The following PRMT5 variants were observed in gnomAD, a reference collection of about 807,000 sequenced individuals.
PRMT5 encodes the protein protein arginine methyltransferase 5, also known as protein arginine N-methyltransferase 5.
In PRMT5, 15 loss-of-function variants were observed where a neutral mutation model predicts 84.0. The ratio of observed to expected loss-of-function variants is 0.18; its 90% CI spans 0.12 to 0.28. The LOEUF (loss-of-function observed/expected upper bound fraction) is 0.28. Ranked by LOEUF, PRMT5 falls within the 10% of genes least tolerant of loss-of-function variation. PRMT5 has a pLI of 1.00. For synonymous variants in PRMT5, 276 were observed against 292.4 expected (o/e 0.94, Z 0.57); for missense variants, 486 against 808.0 (o/e 0.60, Z 4.83).
chr14:22,928,979 C>T lies in PRMT5; in HGVS notation c.110+273G>A, dbSNP rs2044487175. Reference sequence around the variant, plus strand: ...TTCTCTCCCTTGCCCCCTAACACCTCCTCCCACTCCCAGACAATAATCGCG... The same window carrying T: ...TTCTCTCCCTTGCCCCCTAACACCTTCTCCCACTCCCAGACAATAATCGCG... On this transcript the variant is annotated intron_variant, in intron 1 of 16. Transcript: ENST00000324366. The surrounding 1 kb of genome is among the most constrained non-coding windows in gnomAD (Gnocchi z 4.8). 1 of 708,234 alleles carries T rather than the reference C, an allele frequency of 1.4e-6. No individual in the cohort carries two copies. The highest frequency in any genetic ancestry group is 2.3e-6 in the Non-Finnish European group (1 of 431,432). 43.9% of individuals were successfully genotyped at this position (708,234 alleles called of 1,614,324 possible).
chr14:22,925,073 C>T, intron 7 of PRMT5, 33 bp from the exon 8 acceptor site: 2 of 1,607,876 alleles, frequency 1.2e-6, no homozygotes, highest in Non-Finnish European at 1.7e-6. Context: ...AGACACAGCC[C>T]TCAAACCAAG....
In PRMT5 at chr14:22,923,888, C is replaced by A; in HGVS notation, c.1375+120G>T. On this transcript the variant is annotated intron_variant, in intron 12 of 16. Coordinates refer to ENST00000324366, the MANE Select transcript of PRMT5 (RefSeq NM_006109.5). This position sits in a 1 kb window ranked among gnomAD's most constrained non-coding sequence, Gnocchi z 5.2. Reference sequence around the variant, plus strand: ...GGGCACAGAGGCAGTGAAGCAGTGGCTCTCAAACTCATATGATGTGACCCA... The same window carrying A: ...GGGCACAGAGGCAGTGAAGCAGTGGATCTCAAACTCATATGATGTGACCCA... 2.3e-5 allele frequency: 25 copies of A among 1,076,116 alleles called. No homozygotes were observed. The highest frequency in any genetic ancestry group is 1.2e-4 in the South Asian group (7 of 59,084). The allele number at this position is 1,076,116 out of a possible 1,614,324, so 66.7% of individuals were successfully genotyped here.
At position 22,922,839 on chromosome 14, in the gene PRMT5, T is replaced by A. The variant is rs1425853544; in HGVS notation, c.1486-4A>T. The A allele has an allele frequency of 6.2e-7, 1 of 1,612,648 alleles. No individual in the cohort carries two copies. The highest frequency in any genetic ancestry group is 2.2e-5 in the East Asian group (1 of 44,880). On this transcript the variant is annotated splice_polypyrimidine_tract_variant and splice_region_variant and intron_variant, in intron 13 of 16. Coordinates refer to ENST00000324366, the MANE Select transcript of PRMT5 (RefSeq NM_006109.5). ...CATAAGGCATCTCAAACTGGGCCTG[T>A]CAGAGACAGAAAGAGAGAGAGAGTG...
rs2044344965 is a variant in PRMT5 at position 22,923,252 on chromosome 14, C to G, written c.1376-92G>C. ...ATCAGAAGGATCAAACCTCCCATGT[C>G]AAAACCAACCAACGTTGGCATGGGC... On this transcript the variant is annotated intron_variant, in intron 12 of 16. Coordinates refer to ENST00000324366, the MANE Select transcript of PRMT5 (RefSeq NM_006109.5). The surrounding 1 kb of genome is among the most constrained non-coding windows in gnomAD (Gnocchi z 5.2). The G allele has an allele frequency of 1.1e-6, 1 of 911,866 alleles. No individual in the cohort carries two copies. The highest frequency in any genetic ancestry group is 1.8e-5 in the South Asian group (1 of 54,562). The allele number at this position is 911,866 out of a possible 1,614,324, so 56.5% of individuals were successfully genotyped here.
rs1412652065 is a variant in PRMT5, at chr14:22,923,348, AT to A, written c.1376-189del. The A allele has an allele frequency of 1.9e-6, 1 of 536,220 alleles. No homozygotes were observed. Among genetic ancestry groups the A allele is most frequent in the Non-Finnish European group, 3.3e-6 (1 of 304,204 alleles). 33.2% of individuals were successfully genotyped at this position (536,220 alleles called of 1,614,324 possible). ...CTGCTTCCAACTACTGTCATGGAGG[AT>A]TCCACTACTAGGTTAATTTACAGAG... On this transcript the variant is annotated intron_variant, in intron 12 of 16. Transcript: ENST00000324366. This position sits in a 1 kb window ranked among gnomAD's most constrained non-coding sequence, Gnocchi z 5.2.
rs536412975 is a variant in PRMT5 at position 22,920,555 on chromosome 14, G to A, written c.*349C>T. The A allele has an allele frequency of 1.6e-4, 77 of 469,576 alleles. No individual in the cohort carries two copies. The highest frequency in any genetic ancestry group is 1.8e-4 in the East Asian group (3 of 17,068). The allele number at this position is 469,576 out of a possible 1,614,324, so 29.1% of individuals were successfully genotyped here. A position where few individuals can be genotyped will look rare whatever the true frequency, so the allele number is the denominator to read the frequency against. On this transcript the variant is annotated 3_prime_UTR_variant, in exon 17 of 17. Transcript: ENST00000324366. ...GCAGTAAAGGGCTATAACTTTATTT[G>A]TATTTCCTCTTACACAAAACCATCA...
At chr14:22,922,376 C>A in intron 15 of PRMT5, 67 bp downstream of exon 15, 1 of 1,436,748 alleles carries the variant, frequency 7.0e-7, no homozygotes, top group Non-Finnish European at 9.8e-7. Flanking sequence ...CTAAATGACA[C>A]ATGTACATAT....
chr14:22,922,965 CCAG>C (rs1353809792), intron 13 of PRMT5, 83 bp downstream of exon 13: 3 of 1,408,288 alleles, frequency 2.1e-6, no homozygotes, highest in Admixed American at 2.0e-5. Flanking sequence ...CTCTTCATCC[CCAG>C]CAGAAGAAAA....
chr14:22,924,625 A>ACAGT lies in PRMT5; in HGVS notation c.1017+3_1017+6dup. 1.9e-6 allele frequency: 3 copies of ACAGT among 1,613,144 alleles called. No individual in the cohort carries two copies. The highest frequency in any genetic ancestry group is 2.5e-6 in the Non-Finnish European group (3 of 1,179,164). ...GTGCTTTCCTCACCCTGGGCACCACACAGTACCTGCTGGTACTGAGAGTAT... is the reference window on the plus strand; with the variant it reads ...GTGCTTTCCTCACCCTGGGCACCACACAGTCAGTACCTGCTGGTACTGAGAGTAT... On this transcript the variant is annotated splice_region_variant and intron_variant, in intron 9 of 16. Transcript: ENST00000324366. This position sits in a 1 kb window ranked among gnomAD's most constrained non-coding sequence, Gnocchi z 6.5.
intron 1 of PRMT5, chr14:22,929,043 CA>C (rs1269640138): frequency 2.1e-5 from 27 of 1,276,530 alleles, no homozygotes; most frequent in Non-Finnish European, 2.9e-5. Context: ...ACAACTCTCC[CA>C]ACTTTGGGAC....
Position 22,928,223 on chromosome 14 carries a change from C to CA in PRMT5, c.230-13dup. On this transcript the variant is annotated splice_polypyrimidine_tract_variant and intron_variant, in intron 2 of 16. Coordinates refer to ENST00000324366, the MANE Select transcript of PRMT5 (RefSeq NM_006109.5). This position sits in a 1 kb window ranked among gnomAD's most constrained non-coding sequence, Gnocchi z 4.8. The stretch of plus-strand genomic sequence containing the variant: ...TAGCGTATTCCAGTCTGCACTCCCC[C>CA]ACCCAAGAAAGACAAATACTGAATA... The CA allele has an allele frequency of 6.2e-7, 1 of 1,613,026 alleles. No individual in the cohort carries two copies. Among genetic ancestry groups the CA allele is most frequent in the South Asian group, 1.1e-5 (1 of 91,040 alleles).
At chr14:22,927,720 T>C in intron 3 of PRMT5, 60 bp from the exon 4 acceptor site, 1 of 1,568,056 alleles carries the variant, frequency 6.4e-7, no homozygotes, top group Non-Finnish European at 8.6e-7. Context: ...TTTTTTTTTT[T>C]TTTTTGAGAC....
chr14:22,922,379 G>A (rs1408332880), intron 15 of PRMT5, 64 bp downstream of exon 15: 2 of 1,440,848 alleles, frequency 1.4e-6, no homozygotes, highest in Non-Finnish European at 2.0e-6. Flanking sequence ...AATGACACAT[G>A]TACATATAAG....
Position 22,927,668 on chromosome 14 carries a change from G to A in PRMT5, c.316-8C>T, listed in dbSNP as rs753806897. On this transcript the variant is annotated splice_region_variant and splice_polypyrimidine_tract_variant and intron_variant, in intron 3 of 16. Coordinates refer to ENST00000324366, the MANE Select transcript of PRMT5 (RefSeq NM_006109.5). ...CAGCTCCTGTAACATGGCCTGGAAC[G>A]GAGATGAAGAGGAAAAGTTTGAGCT... 33 of 1,611,766 alleles carry A rather than the reference G, an allele frequency of 2.0e-5. No homozygotes were observed. The South Asian group carries it at 2.1e-4, about 10-fold the overall frequency.
chr14:22,926,581 C>T (rs762475790), intron 5 of PRMT5, 26 bp from the exon 6 acceptor site: 12 of 1,613,924 alleles, frequency 7.4e-6, no homozygotes, highest in Non-Finnish European at 9.3e-6. Flanking sequence ...CAGAAAAGTA[C>T]AGTAAACTAG....
At position 22,924,243 on chromosome 14, in the gene PRMT5, C is replaced by G; in HGVS notation, c.1199+27G>C. 1 of 1,613,248 alleles carries G rather than the reference C, an allele frequency of 6.2e-7. No homozygotes were observed. The highest frequency in any genetic ancestry group is 8.5e-7 in the Non-Finnish European group (1 of 1,179,326). ...AAGGAAATTTGGCAATGAGGACTAA[C>G]TTCCCAGCAAGCAGGTTGCTACTCA... On this transcript the variant is annotated intron_variant, in intron 11 of 16. Transcript: ENST00000324366. This position sits in a 1 kb window ranked among gnomAD's most constrained non-coding sequence, Gnocchi z 6.5.
Position 22,928,143 on chromosome 14 carries a change from G to T in PRMT5, c.298C>A (p.Arg100Ser). Residue 100 changes from arginine to serine, a missense_variant, in exon 3 of 17, where the codon CGC (arginine) becomes AGC (serine). This residue lies in a region of PRMT5 where 215 missense variants were observed against 301.1 expected (regional missense o/e 0.71). Coordinates refer to ENST00000324366, the MANE Select transcript of PRMT5 (RefSeq NM_006109.5). This position sits in a 1 kb window ranked among gnomAD's most constrained non-coding sequence, Gnocchi z 4.8. ...AGTCTTACCGCCTCGGAGTTCCTGC[G>T]AATCTTCTCCACTTTTGAGTCTGGA... The part of the protein sequence containing the change: ...IRPDSKVEKI[R>S]RNSEAAMLQE... 1 of 1,614,030 alleles carries T rather than the reference G, an allele frequency of 6.2e-7. No homozygotes were observed. Among genetic ancestry groups the T allele is most frequent in the South Asian group, 1.1e-5 (1 of 91,074 alleles).
At chr14:22,921,709 C>A (rs2044300498) in intron 16 of PRMT5, among the ~76,000 whole-genome samples, 1 of 151,762 alleles carries the variant, frequency 6.6e-6, no homozygotes, top group Non-Finnish European at 1.5e-5. Context: ...ACGGTAAAAC[C>A]CCGTCTCTAC....
rs1452269481 is a variant in PRMT5, at chr14:22,920,718, T to G, written c.*186A>C. On this transcript the variant is annotated 3_prime_UTR_variant, in exon 17 of 17. Coordinates refer to ENST00000324366, the MANE Select transcript of PRMT5 (RefSeq NM_006109.5). ...CCCCTGGCCTGAGGTCTTCATAGAT[T>G]GGTGGCTTGAGCCCTGCAATTAATT... is the stretch of plus-strand genomic sequence containing the variant. 4 of 859,026 alleles carry G rather than the reference T, an allele frequency of 4.7e-6. No homozygotes were observed. In the Admixed American group the frequency reaches 8.0e-5, roughly 17 times the overall value. 53.2% of individuals were successfully genotyped at this position (859,026 alleles called of 1,614,324 possible).
Sources: gnomAD v4.1 joint callset for allele counts (sites outside exome capture counted in the v4.1 genomes callset) on GRCh38, gnomAD v4.1.1 for gene constraint, gnomAD v4.1.1 regional missense constraint, Gnocchi (gnomAD v3.1) non-coding constraint, MANE v1.5 for transcripts, NCBI Gene and HGNC (gene_info 2026-07-23, HGNC 2026-07-21) for gene names.